COG5: variants seen among roughly 807,000 people sequenced by gnomAD.
COG5 encodes the protein conserved oligomeric Golgi complex subunit 5.
In COG5, 86 loss-of-function variants were observed where a neutral mutation model predicts 110.4. The observed-to-expected ratio is 0.78, with a 90% CI of 0.65 to 0.93. The LOEUF is 0.93. Ranked by LOEUF, COG5 falls within the 40% of genes least tolerant of loss-of-function variation. COG5 has a pLI of 0.00. For synonymous variants in COG5, 360 were observed against 334.6 expected, an observed-to-expected ratio of 1.08 and a Z score of -0.83; for missense variants, 1,077 against 987.0, an observed-to-expected ratio of 1.09 and a Z score of -1.22.
At chr7:107,390,511 C>T (rs926754326) in intron 7 of COG5, among the ~76,000 whole-genome samples, 6 of 151,936 alleles carry the variant, frequency 3.9e-5, no homozygotes. Flanking sequence ...TCAATCAATC[C>T]ACAGTTGGGA....
intron 2 of COG5, 145 bp downstream of exon 2, chr7:107,557,831 C>A (rs1162409642): frequency 7.1e-6 from 8 of 1,130,936 alleles, no homozygotes; most frequent in Non-Finnish European, 1.0e-5. Flanking sequence ...CAGAAAATTT[C>A]AAAAATTTAC....
intron 7 of COG5, among the ~76,000 whole-genome samples, chr7:107,405,545 GAC>G (rs1269336798): frequency 1.3e-5 from 2 of 152,162 alleles, no homozygotes; most frequent in African/African-American, 4.8e-5. Flanking sequence ...GAGGAAGACA[GAC>G]ACACACAATT....
intron 5 of COG5, among the ~76,000 whole-genome samples, chr7:107,528,931 A>T (rs1288504455): frequency 6.6e-6 from 1 of 151,898 alleles, no homozygotes; most frequent in Non-Finnish European, 1.5e-5. Flanking sequence ...TAAAACAAAC[A>T]TATATTTACA....
intron 3 of COG5, among the ~76,000 whole-genome samples, 192 bp downstream of exon 3, chr7:107,554,093 T>C (rs2129176855): frequency 6.6e-6 from 1 of 152,360 alleles, no homozygotes; most frequent in East Asian, 1.9e-4. Flanking sequence ...AAAGTCTTAC[T>C]GAAACATAGC....
chr7:107,301,594 G>C (rs4730231), intron 11 of COG5, among the ~76,000 whole-genome samples: 24,468 of 152,154 alleles, frequency 0.16, 2,363 homozygotes, highest in Non-Finnish European at 0.22. Flanking sequence ...CACCACAGCC[G>C]AACACAGTGG....
At chr7:107,279,491 T>C (rs1295005149) in intron 14 of COG5, among the ~76,000 whole-genome samples, 2 of 152,170 alleles carry the variant, frequency 1.3e-5, no homozygotes, top group Non-Finnish European at 2.9e-5. Flanking sequence ...TTCCTCTAAA[T>C]GTTTTCAGTC....
chr7:107,255,548 A>C (rs895796783), intron 16 of COG5, among the ~76,000 whole-genome samples: 1 of 151,748 alleles, frequency 6.6e-6, no homozygotes, highest in Non-Finnish European at 1.5e-5. Context: ...CCTTCTTCTG[A>C]TTGTTCTTTC....
intron 6 of COG5, among the ~76,000 whole-genome samples, chr7:107,500,093 A>C (rs564785145): frequency 2.2e-4 from 33 of 152,324 alleles, no homozygotes; most frequent in African/African-American, 6.5e-4. Context: ...GAAAGAATGG[A>C]AACAAAGGAA....
At chr7:107,324,548 A>T (rs1283892917) in intron 10 of COG5, 27 bp from the exon 11 acceptor site, 21 of 1,311,740 alleles carry the variant, frequency 1.6e-5, no homozygotes, top group South Asian at 2.6e-5. Context: ...AAAATTTTTT[A>T]AAAATAAAAA....
chr7:107,521,657 A>G (rs1197047173), intron 6 of COG5, among the ~76,000 whole-genome samples: 5 of 152,228 alleles, frequency 3.3e-5, no homozygotes, highest in Non-Finnish European at 7.3e-5. Context: ...GGCTGTGGAG[A>G]AATAGGAATG....
chr7:107,244,891 T>G (rs1562930684), intron 17 of COG5, among the ~76,000 whole-genome samples: 1 of 152,136 alleles, frequency 6.6e-6, no homozygotes, highest in Non-Finnish European at 1.5e-5. Context: ...CTAGTACCAT[T>G]CCTACAGAAA....
At chr7:107,530,252 G>A (rs758962293) in intron 5 of COG5, among the ~76,000 whole-genome samples, 1 of 152,064 alleles carries the variant, frequency 6.6e-6, no homozygotes, top group East Asian at 1.9e-4. Flanking sequence ...GTGGTTTCTC[G>A]GCTAGCTTTC....
intron 3 of COG5, among the ~76,000 whole-genome samples, chr7:107,551,441 T>TAC (rs1802883810): frequency 6.6e-6 from 1 of 152,178 alleles, no homozygotes; most frequent in African/African-American, 2.4e-5. Flanking sequence ...CCAAACTACT[T>TAC]ACATGCTAAA....
chr7:107,401,052 T>G lies in COG5; in HGVS notation c.669+11450A>C, dbSNP rs1161088258. ...TTAAAGTGCAATACAGCAAATAGTTTAGGCTTTGCACACTACGTATGCTGT... is the reference window on the plus strand; with the variant it reads ...TTAAAGTGCAATACAGCAAATAGTTGAGGCTTTGCACACTACGTATGCTGT... On this transcript the variant is annotated intron_variant, in intron 7 of 21. Coordinates refer to ENST00000297135, the MANE Select transcript of COG5 (RefSeq NM_006348.5). Among the ~76,000 whole-genome samples the G allele has an allele frequency of 2.6e-5, 4 of 152,252 alleles. No individual in the cohort carries two copies. The East Asian group carries it at 7.7e-4, about 29-fold the overall frequency.
intron 7 of COG5, among the ~76,000 whole-genome samples, chr7:107,409,337 G>GA (rs938147493): frequency 3.4e-5 from 5 of 148,682 alleles, no homozygotes; most frequent in East Asian, 2.0e-4. Flanking sequence ...TTTGAGAAAA[G>GA]AAAAAAAAAG....
intron 19 of COG5, among the ~76,000 whole-genome samples, chr7:107,228,679 T>C (rs1049045350): frequency 1.3e-5 from 2 of 152,134 alleles, no homozygotes; most frequent in Non-Finnish European, 2.9e-5. Context: ...AAAGCATTTG[T>C]GATCTCACTT....
In COG5 at chr7:107,372,748, C is replaced by G; in HGVS notation, c.682G>C (p.Val228Leu). The G allele has an allele frequency of 1.2e-6, 2 of 1,613,332 alleles. No individual in the cohort carries two copies. Among genetic ancestry groups the G allele is most frequent in the Non-Finnish European group, 1.7e-6 (2 of 1,179,662 alleles). ...QGLETQNPTQ[V>L]GTALQVFYNL... ...TAGAAAACCTGAAGAGCTGTTCCGA[C>G]TTGAGTTGGATTCTTAAAAAAAGGT... Residue 228 changes from valine to leucine, a missense_variant, in exon 8 of 22, where the codon GTC (valine) becomes CTC (leucine). Transcript: ENST00000297135.
intron 11 of COG5, among the ~76,000 whole-genome samples, chr7:107,315,823 G>A (rs1383944722): frequency 6.6e-6 from 1 of 152,108 alleles, no homozygotes; most frequent in East Asian, 1.9e-4. Flanking sequence ...ACTTACTTTG[G>A]AGTTCTCCCA....
chr7:107,416,692 C>A (rs1584796860), intron 6 of COG5, among the ~76,000 whole-genome samples: 1 of 151,980 alleles, frequency 6.6e-6, no homozygotes, highest in South Asian at 2.1e-4. Context: ...TTCATATGTT[C>A]CCCCATCAAA....
Sources: gnomAD v4.1 joint callset for allele counts (sites outside exome capture counted in the v4.1 genomes callset) on GRCh38, gnomAD v4.1.1 for gene constraint, MANE v1.5 for transcripts, NCBI Gene and HGNC (gene_info 2026-07-23, HGNC 2026-07-21) for gene names.